The following PVT1 variants were observed in gnomAD, a reference collection of about 807,000 sequenced individuals.
PVT1 encodes the protein Pvt1 oncogene, also known as CXCR4/PVT1 fusion.
intron 6 of PVT1, among the ~76,000 whole-genome samples, chr8:128,097,334 C>T (rs1038064710): frequency 3.3e-5 from 5 of 152,142 alleles, no homozygotes; most frequent in East Asian, 3.8e-4. Flanking sequence ...GAACCTCCAG[C>T]CTGGGCGACA....
chr8:127,823,774 A>C (rs975047837), intron 2 of PVT1, among the ~76,000 whole-genome samples: 2 of 152,228 alleles, frequency 1.3e-5, no homozygotes. Flanking sequence ...TGATAAATGG[A>C]TGAACAGTGT....
intron 2 of PVT1, among the ~76,000 whole-genome samples, chr8:127,820,299 G>A (rs748851938): frequency 2.0e-5 from 3 of 152,168 alleles, no homozygotes; most frequent in Non-Finnish European, 2.9e-5. Flanking sequence ...ACTGATAGCT[G>A]CAAAGTTGCA....
At chr8:127,911,402 G>A (rs761187502) in intron 3 of PVT1, among the ~76,000 whole-genome samples, 1 of 152,218 alleles carries the variant, frequency 6.6e-6, no homozygotes, top group Non-Finnish European at 1.5e-5. Context: ...CGGAGTGGCC[G>A]CCGGTCCCCG....
chr8:128,092,524 C>T (rs1814371045), intron 5 of PVT1, among the ~76,000 whole-genome samples: 1 of 152,252 alleles, frequency 6.6e-6, no homozygotes, highest in Admixed American at 6.5e-5. Context: ...GCTGGGGACA[C>T]ATACGTCATG....
At chr8:128,000,622 G>A (rs1305811769) in intron 4 of PVT1, among the ~76,000 whole-genome samples, 1 of 152,242 alleles carries the variant, frequency 6.6e-6, no homozygotes, top group Non-Finnish European at 1.5e-5. Flanking sequence ...GGTGGGAAGG[G>A]CGGAGGGCCT....
intron 4 of PVT1, among the ~76,000 whole-genome samples, chr8:128,055,531 ACTGCAAGCCATGTAGCTG>A (rs1236603601): frequency 6.6e-6 from 1 of 152,230 alleles, no homozygotes; most frequent in Non-Finnish European, 1.5e-5. Context: ...TTTATACTTT[ACTGCAAGCCATGTAGCTG>A]CATGAATCAG....
In PVT1 at chr8:127,887,931, G is replaced by GTTTTTT. The variant is rs560976785; in HGVS notation, n.373-2636_373-2631dup. 1.2e-3 allele frequency among the ~76,000 whole-genome samples: 79 copies of GTTTTTT among 66,588 alleles called. 25 individuals carry two copies. Among genetic ancestry groups the GTTTTTT allele is most frequent in the South Asian group, 0.01 (13 of 1,246 alleles). 43.7% of individuals were successfully genotyped at this position (66,588 alleles called of 152,430 possible). A position where few individuals can be genotyped will look rare whatever the true frequency, so the allele number is the denominator to read the frequency against. On this transcript the variant is annotated intron_variant and non_coding_transcript_variant, in intron 2 of 10. Transcript: ENST00000651587. ...TGGATGCAGAATCTCACTCTATCTT[G>GTTTTTT]TTTTTTTTTTTTTTTTTTTTTTTTT...
At chr8:127,985,290 C>A (rs531439170) in intron 3 of PVT1, among the ~76,000 whole-genome samples, 27 of 152,052 alleles carry the variant, frequency 1.8e-4, no homozygotes, top group African/African-American at 6.3e-4. Context: ...TCTCGGCCTC[C>A]CAAAGTGTTG....
chr8:127,967,286 G>A (rs1816713739), intron 3 of PVT1, among the ~76,000 whole-genome samples: 1 of 152,104 alleles, frequency 6.6e-6, no homozygotes, highest in African/African-American at 2.4e-5. Context: ...GGGCAGTGAA[G>A]TGGGGAGAAG....
chr8:127,966,078 G>A (rs1032682139), intron 3 of PVT1, among the ~76,000 whole-genome samples: 4 of 152,200 alleles, frequency 2.6e-5, no homozygotes, highest in Non-Finnish European at 4.4e-5. Context: ...AAATTAAATT[G>A]CATTACTTAG....
intron 4 of PVT1, among the ~76,000 whole-genome samples, chr8:128,044,011 A>ATTTTTTTTTTTTTTTTTTT (rs66807418): frequency 2.0e-5 from 2 of 97,916 alleles, no homozygotes; most frequent in African/African-American, 3.4e-5. Context: ...ATTATTATTT[A>ATTTTTTTTTTTTTTTTTTT]TTTATTTTTT....
At chr8:127,991,246 C>T (rs996271633) in intron 4 of PVT1, among the ~76,000 whole-genome samples, 7 of 150,950 alleles carry the variant, frequency 4.6e-5, no homozygotes, top group African/African-American at 1.7e-4. Flanking sequence ...GGGTTCACGC[C>T]ATTCTCCTGC....
chr8:127,813,214 T>TATATATATTATATACAA (rs1554588659), intron 2 of PVT1, among the ~76,000 whole-genome samples: 8 of 139,960 alleles, frequency 5.7e-5, no homozygotes, highest in African/African-American at 2.1e-4. Flanking sequence ...TATACAAATA[T>TATATATATTATATACAA]ATATATATAA....
At chr8:128,063,591 G>C (rs540653231) in intron 4 of PVT1, among the ~76,000 whole-genome samples, 1 of 152,272 alleles carries the variant, frequency 6.6e-6, no homozygotes, top group African/African-American at 2.4e-5. Flanking sequence ...AGCAATTTTT[G>C]TGTGTGTGGC....
intron 2 of PVT1, among the ~76,000 whole-genome samples, chr8:127,865,095 G>A (rs1815272304): frequency 6.6e-6 from 1 of 152,184 alleles, no homozygotes; most frequent in African/African-American, 2.4e-5. Flanking sequence ...GTGGCCCTGG[G>A]CGAGTCTCTT....
chr8:128,053,350 G>A (rs889651980), intron 4 of PVT1, among the ~76,000 whole-genome samples: 2 of 150,766 alleles, frequency 1.3e-5, no homozygotes, highest in African/African-American at 2.4e-5. Context: ...TGCCATCTTG[G>A]AGGGCTATAT....
intron 2 of PVT1, among the ~76,000 whole-genome samples, chr8:127,837,937 G>A (rs1469313693): frequency 6.8e-6 from 1 of 146,260 alleles, no homozygotes; most frequent in Non-Finnish European, 1.5e-5. Flanking sequence ...CACTCTTGTT[G>A]CCCAGGCCGG....
chr8:127,988,704 A>T (rs1816997871), intron 3 of PVT1, among the ~76,000 whole-genome samples: 1 of 152,230 alleles, frequency 6.6e-6, no homozygotes, highest in Non-Finnish European at 1.5e-5. Flanking sequence ...TCCATGGCTC[A>T]CATGATCCCC....
chr8:127,830,785 A>G (rs1364568540), intron 2 of PVT1, among the ~76,000 whole-genome samples: 1 of 152,102 alleles, frequency 6.6e-6, no homozygotes, highest in East Asian at 1.9e-4. Flanking sequence ...CCCACCCTTA[A>G]GCTGGTGGGC....
Sources: allele counts gnomAD v4.1 joint callset (sites outside exome capture counted in the v4.1 genomes callset), GRCh38; gene constraint gnomAD v4.1.1; transcripts MANE v1.5; gene names NCBI Gene and HGNC (gene_info 2026-07-23, HGNC 2026-07-21).